CACNA1S: variants seen among roughly 807,000 people sequenced by gnomAD.
CACNA1S encodes the protein calcium voltage-gated channel subunit alpha1 S, also known as voltage-dependent L-type calcium channel subunit alpha-1S.
In CACNA1S, 126 loss-of-function variants were observed where a neutral mutation model predicts 207.4. The ratio of observed to expected loss-of-function variants is 0.61; its 90% CI spans 0.53 to 0.70. The LOEUF (loss-of-function observed/expected upper bound fraction) is 0.70. CACNA1S is among the 30% of genes least tolerant of loss of function. The pLI is 0.00. For missense variants in CACNA1S, 2,349 were observed against 2,422.8 expected, an observed-to-expected ratio of 0.97 and a Z score of 0.64; for synonymous variants, 960 against 932.7, an observed-to-expected ratio of 1.03 and a Z score of -0.53.
chr1:201,092,264 A>T (rs1335911744), intron 3 of CACNA1S, 150 bp from the exon 4 acceptor site: 5 of 745,444 alleles, frequency 6.7e-6, no homozygotes, highest in Non-Finnish European at 1.2e-5. Context: ...CTAACAAATG[A>T]TCTGATCATG....
At position 201,039,550 on chromosome 1, in the gene CACNA1S, A is replaced by T; in HGVS notation, c.*281T>A. On this transcript the variant is annotated 3_prime_UTR_variant, in exon 44 of 44. Coordinates refer to ENST00000362061, the MANE Select transcript of CACNA1S (RefSeq NM_000069.3). The stretch of plus-strand genomic sequence containing the variant: ...AGGCCTGGAGATTTTAATGTCCTGC[A>T]GGTGGGAGTGGCCCTAGGCCAGACA... 3 of 535,324 alleles carry T rather than the reference A, an allele frequency of 5.6e-6. No individual in the cohort carries two copies. Among genetic ancestry groups the T allele is most frequent in the South Asian group, 4.2e-5 (2 of 47,462 alleles). 33.2% of individuals were successfully genotyped at this position (535,324 alleles called of 1,614,324 possible).
At position 201,092,043 on chromosome 1, in the gene CACNA1S, G is replaced by A; in HGVS notation, c.470C>T (p.Ala157Val). 6.2e-7 allele frequency: 1 copy of A among 1,614,104 alleles called. No individual in the cohort carries two copies. The highest frequency in any genetic ancestry group is 8.5e-7 in the Non-Finnish European group (1 of 1,180,020). Residue 157 changes from alanine (A) to valine (V), a missense_variant, in exon 4 of 44, where the codon GCC becomes GTC. Physicochemically the swap from Ala to Val is moderately conservative, Grantham distance 64. Transcript: ENST00000362061. The part of the protein sequence containing the change: ...SHTAPMSSKG[A>V]GLDVKALRAF... The stretch of plus-strand genomic sequence containing the variant: ...TCTGAGGGCCTTGACATCCAAGCCG[G>A]CTCCTTTGCTGCTCATTGGGGCTGT...
In CACNA1S at chr1:201,041,840, T is replaced by C. The variant is rs184820611; in HGVS notation, c.5049-251A>G. 272 of 560,776 alleles carry C rather than the reference T, an allele frequency of 4.9e-4. 1 individual carries two copies. The Middle Eastern group carries it at 5.8e-3, about 12-fold the overall frequency. The allele number at this position is 560,776 out of a possible 1,614,324, so 34.7% of individuals were successfully genotyped here. On this transcript the variant is annotated intron_variant, in intron 40 of 43. Transcript: ENST00000362061. ...TGCTCCCTCTACCCTTTCTACATTC[T>C]GTTCATCTTCCAAGGCCCAGCTGCA...
At chr1:201,062,588 A>G in intron 22 of CACNA1S, 74 bp from the exon 23 acceptor site, 21 of 1,345,808 alleles carry the variant, frequency 1.6e-5, no homozygotes, top group Middle Eastern at 1.8e-4. Flanking sequence ...GGGCTCTGGG[A>G]GTGAACAGTG....
At position 201,078,033 on chromosome 1, in the gene CACNA1S, G is replaced by A. The variant is rs138364213; in HGVS notation, c.1465C>T (p.Arg489Cys). The A allele has an allele frequency of 6.1e-5, 98 of 1,614,012 alleles. 1 individual carries two copies. The highest frequency in any genetic ancestry group is 4.9e-4 in the Middle Eastern group (3 of 6,084). The stretch of plus-strand genomic sequence containing the variant: ...TTGAAGATAGACATGAAGTACTGGC[G>A]CAGGCCCAGCCCGTACATCTTCATC... The part of the protein sequence containing the change: ...MLMKMYGLGL[R>C]QYFMSIFNRF... Residue 489 changes from arginine to cysteine, a missense_variant, in exon 11 of 44, where the codon CGC (arginine) becomes TGC (cysteine). Physicochemically the swap from Arg to Cys is radical, Grantham distance 180. Transcript: ENST00000362061.
In CACNA1S at chr1:201,050,315, G is replaced by C. The variant is rs149568522; in HGVS notation, c.4241+74C>G. ...GCCCACTCATACTGAATAAACTGGA[G>C]AGTGACTCCCTGTGAGACGGTAGGA... On this transcript the variant is annotated intron_variant, in intron 34 of 43. Transcript: ENST00000362061. 810 of 1,520,584 alleles carry C rather than the reference G, an allele frequency of 5.3e-4. 15 individuals are homozygous for C. In the East Asian group the frequency reaches 0.018, roughly 34 times the overall value. The allele number at this position is 1,520,584 out of a possible 1,614,324, so 94.2% of individuals were successfully genotyped here.
At chr1:201,082,295 G>A (rs565849014) in intron 10 of CACNA1S, among the ~76,000 whole-genome samples, 8 of 152,082 alleles carry the variant, frequency 5.3e-5, no homozygotes, top group African/African-American at 1.7e-4. Flanking sequence ...CCAAACTGCT[G>A]GGATTACAGG....
intron 38 of CACNA1S, among the ~76,000 whole-genome samples, chr1:201,046,867 C>T (rs1660487697): frequency 1.3e-5 from 2 of 152,178 alleles, no homozygotes; most frequent in South Asian, 4.1e-4. Flanking sequence ...CTTGTCTCTC[C>T]CTTGAACAAA....
At chr1:201,061,683 A>G (rs761848627) in intron 24 of CACNA1S, among the ~76,000 whole-genome samples, 52 of 152,192 alleles carry the variant, frequency 3.4e-4, no homozygotes, top group Non-Finnish European at 6.3e-4. Context: ...TCTATCCCTA[A>G]TCAATCAGTA....
chr1:201,048,481 A>C, intron 36 of CACNA1S, 101 bp downstream of exon 36: 1 of 1,024,890 alleles, frequency 9.8e-7, no homozygotes, highest in South Asian at 1.3e-5. Flanking sequence ...TTCTTCCCAC[A>C]GTTCTTAAGA....
At chr1:201,069,406 C>G in intron 18 of CACNA1S, 66 bp downstream of exon 18, 1 of 1,595,744 alleles carries the variant, frequency 6.3e-7, no homozygotes, top group Non-Finnish European at 8.5e-7. Context: ...CAGCTGAACC[C>G]TGGGCACCAG....
intron 40 of CACNA1S, among the ~76,000 whole-genome samples, chr1:201,042,640 C>G (rs1660303942): frequency 6.6e-6 from 1 of 152,172 alleles, no homozygotes; most frequent in Non-Finnish European, 1.5e-5. Flanking sequence ...GCAGGCAGCC[C>G]TGGCCATGAA....
chr1:201,099,990 C>T (rs1260692476), intron 2 of CACNA1S, among the ~76,000 whole-genome samples: 2 of 152,114 alleles, frequency 1.3e-5, no homozygotes, highest in African/African-American at 4.8e-5. Flanking sequence ...AGCCTCGATT[C>T]CTGCCTTAAG....
chr1:201,098,450 T>A (rs1662518355), intron 2 of CACNA1S, among the ~76,000 whole-genome samples: 3 of 152,152 alleles, frequency 2.0e-5, no homozygotes, highest in Non-Finnish European at 4.4e-5. Context: ...GAGAACAGTG[T>A]CATCAATGCA....
intron 14 of CACNA1S, 42 bp from the exon 15 acceptor site, chr1:201,073,684 C>T (rs781289396): frequency 6.7e-7 from 1 of 1,483,376 alleles, no homozygotes; most frequent in Non-Finnish European, 9.4e-7. Context: ...CCAGAAAGTT[C>T]TCAGGGATCT....
chr1:201,061,595 C>A, intron 24 of CACNA1S, 127 bp from the exon 25 acceptor site: 1 of 918,206 alleles, frequency 1.1e-6, no homozygotes, highest in Non-Finnish European at 1.7e-6. Flanking sequence ...AATCAAGTTA[C>A]GGGACAGGAG....
At position 201,065,937 on chromosome 1, in the gene CACNA1S, C is replaced by T. The variant is rs150708636; in HGVS notation, c.2754G>A (p.Val918=). 37 of 1,609,926 alleles carry T rather than the reference C, an allele frequency of 2.3e-5. No homozygotes were observed. The highest frequency in any genetic ancestry group is 1.6e-4 in the Middle Eastern group (1 of 6,080). The change falls in exon 22 of 44, where the codon GTG becomes GTA. Residue 918 remains valine, a synonymous_variant. Coordinates refer to ENST00000362061, the MANE Select transcript of CACNA1S (RefSeq NM_000069.3). ...TGCTGATGGCCACGAACATGCACTGCACCACGTGCTGGGGACAGAGGGGCC... is the reference window on the plus strand; with the variant it reads ...TGCTGATGGCCACGAACATGCACTGTACCACGTGCTGGGGACAGAGGGGCC... The part of the protein sequence containing the change: ...INRAKGLKHV[V]QCMFVAISTI...
intron 38 of CACNA1S, among the ~76,000 whole-genome samples, chr1:201,045,980 A>T (rs1018889553): frequency 1.4e-5 from 2 of 146,382 alleles, no homozygotes; most frequent in African/African-American, 5.3e-5. Context: ...AAAGTATGAG[A>T]TTATTTCAAA....
At chr1:201,050,577 G>T (rs1572025901) in intron 33 of CACNA1S, 61 bp from the exon 34 acceptor site, 1 of 1,607,116 alleles carries the variant, frequency 6.2e-7, no homozygotes, top group East Asian at 2.2e-5. Context: ...GGTTAGGGTG[G>T]GGGAGCTGGG....
Sources: allele counts gnomAD v4.1 joint callset (sites outside exome capture counted in the v4.1 genomes callset), GRCh38; gene constraint gnomAD v4.1.1; transcripts MANE v1.5; gene names NCBI Gene and HGNC (gene_info 2026-07-23, HGNC 2026-07-21).